The following SLC4A4 variants were observed in gnomAD, a reference collection of about 807,000 sequenced individuals.
The protein encoded by SLC4A4 is electrogenic sodium bicarbonate cotransporter 1.
A neutral mutation model predicts 111.5 loss-of-function variants in SLC4A4; 27 were observed. That is an observed-to-expected ratio of 0.24 (90% CI 0.18 to 0.33). The LOEUF (loss-of-function observed/expected upper bound fraction) is 0.33, where lower values mean the gene tolerates loss of function less well. SLC4A4 is among the 10% of genes least tolerant of loss of function. SLC4A4 has a pLI of 1.00. For missense variants in SLC4A4, 909 were observed against 1,315.5 expected (o/e 0.69, Z 4.78); for synonymous variants, 443 against 463.4 (o/e 0.96, Z 0.57).
At chr4:71,264,673 C>T (rs1722107292) in intron 3 of SLC4A4, among the ~76,000 whole-genome samples, 1 of 152,046 alleles carries the variant, frequency 6.6e-6, no homozygotes, top group African/African-American at 2.4e-5. Context: ...CTATAAAATC[C>T]TAAGTCAATT....
rs1294913420 is a variant in SLC4A4, at chr4:71,420,834, A to G, written c.808-19782A>G. Among the ~76,000 whole-genome samples, 678 of 149,134 alleles carry G rather than the reference A, an allele frequency of 4.5e-3. 5 individuals are homozygous for G. Among genetic ancestry groups the G allele is most frequent in the African/African-American group, 0.016 (648 of 40,750 alleles). On this transcript the variant is annotated intron_variant, in intron 7 of 25. Coordinates refer to ENST00000264485, the MANE Select transcript of SLC4A4 (RefSeq NM_001098484.3). Reference sequence around the variant, plus strand: ...CTGCCCTAAAAGAGCTCCTGAAGGAAGCACTAAACATGGAAAGGAACAACC... The same window carrying G: ...CTGCCCTAAAAGAGCTCCTGAAGGAGGCACTAAACATGGAAAGGAACAACC...
chr4:71,276,189 G>C lies in SLC4A4; in HGVS notation c.253+20790G>C, dbSNP rs1217846880. On this transcript the variant is annotated intron_variant, in intron 3 of 25. Coordinates refer to ENST00000264485, the MANE Select transcript of SLC4A4 (RefSeq NM_001098484.3). ...AAAGATTATAGATTTGTAGGAAGTT[G>C]TGAGAGATAGTACAGAAAGGTCTCA... Among the ~76,000 whole-genome samples the C allele has an allele frequency of 4.6e-5, 7 of 152,292 alleles. No individual in the cohort carries two copies. In the East Asian group the frequency reaches 9.6e-4, roughly 21 times the overall value.
At chr4:71,162,572 G>C (rs1042152404) in intron 2 of SLC4A4, among the ~76,000 whole-genome samples, 10 of 152,086 alleles carry the variant, frequency 6.6e-5, no homozygotes, top group African/African-American at 2.2e-4. Flanking sequence ...CTTTTAAATG[G>C]ATTCATAGTT....
At chr4:71,424,938 T>G (rs1007245177) in intron 7 of SLC4A4, among the ~76,000 whole-genome samples, 4 of 151,992 alleles carry the variant, frequency 2.6e-5, no homozygotes, top group Admixed American at 6.6e-5. Context: ...CATGTATACA[T>G]ATGTAACTAA....
chr4:71,349,583 A>G (rs987364709), intron 4 of SLC4A4, among the ~76,000 whole-genome samples: 2 of 152,178 alleles, frequency 1.3e-5, no homozygotes, highest in Non-Finnish European at 2.9e-5. Flanking sequence ...TTTGAAATGC[A>G]TATTTTTCTA....
chr4:71,217,695 CTG>C, intron 1 of SLC4A4, among the ~76,000 whole-genome samples: 1 of 152,166 alleles, frequency 6.6e-6, no homozygotes, highest in Non-Finnish European at 1.5e-5. Flanking sequence ...GATTCTATGA[CTG>C]TAACAGAAAT....
In SLC4A4 at chr4:71,156,573, TGC is replaced by T. The variant is rs771841334; in HGVS notation, c.-2+63796_-2+63797del. On this transcript the variant is annotated intron_variant, in intron 2 of 26. Coordinates refer to the SLC4A4 transcript ENST00000649996. ...ATGTCCAAATAAGTGTGTGCGCGCA[TGC>T]GCGCGCGCGCGCGCACACACACACA... Among the ~76,000 whole-genome samples, 167 of 85,700 alleles carry T rather than the reference TGC, an allele frequency of 1.9e-3. 3 individuals are homozygous for T. The highest frequency in any genetic ancestry group is 6.3e-3 in the South Asian group (21 of 3,324). 56.2% of individuals were successfully genotyped at this position (85,700 alleles called of 152,430 possible).
chr4:71,158,108 T>A (rs1237332474), intron 2 of SLC4A4, among the ~76,000 whole-genome samples: 1 of 149,136 alleles, frequency 6.7e-6, no homozygotes, highest in East Asian at 2.0e-4. Context: ...TGTGTGTGTG[T>A]GTGTGTGTGT....
chr4:71,118,710 ATTAT>A (rs1297779800), intron 2 of SLC4A4, among the ~76,000 whole-genome samples: 1 of 152,192 alleles, frequency 6.6e-6, no homozygotes, highest in African/African-American at 2.4e-5. Flanking sequence ...TATTAAGGAT[ATTAT>A]TTAATAAATT....
intron 7 of SLC4A4, among the ~76,000 whole-genome samples, chr4:71,420,314 C>G (rs571259690): frequency 6.6e-4 from 101 of 152,250 alleles, no homozygotes; most frequent in Non-Finnish European, 1.3e-3. Context: ...CGAACAAAGC[C>G]TCCAAGAAAT....
chr4:71,534,499 G>A (rs955306448), intron 18 of SLC4A4, 111 bp downstream of exon 18: 10 of 1,008,758 alleles, frequency 9.9e-6, no homozygotes, highest in South Asian at 8.1e-5. Context: ...TATAGCTAAT[G>A]TTCCTTAAGA....
chr4:71,111,885 C>T (rs1281436029), intron 2 of SLC4A4, among the ~76,000 whole-genome samples: 1 of 145,506 alleles, frequency 6.9e-6, no homozygotes, highest in Non-Finnish European at 1.5e-5. Flanking sequence ...TTAGTAGAAA[C>T]AGGGTTTCAC....
chr4:71,416,144 T>C (rs1579049744), intron 7 of SLC4A4, among the ~76,000 whole-genome samples: 1 of 152,220 alleles, frequency 6.6e-6, no homozygotes, highest in Non-Finnish European at 1.5e-5. Context: ...ATGGTGAAGC[T>C]TGGACTCTGG....
intron 2 of SLC4A4, among the ~76,000 whole-genome samples, chr4:71,252,993 C>G (rs570119855): frequency 6.6e-6 from 1 of 152,302 alleles, no homozygotes; most frequent in Admixed American, 6.5e-5. Context: ...CACCATAGCA[C>G]TTCACAGTGC....
At chr4:71,153,276 A>C (rs1263081752) in intron 2 of SLC4A4, among the ~76,000 whole-genome samples, 1 of 151,860 alleles carries the variant, frequency 6.6e-6, no homozygotes, top group Non-Finnish European at 1.5e-5. Flanking sequence ...AATGGTGCCC[A>C]CCCACGTTAA....
intron 1 of SLC4A4, among the ~76,000 whole-genome samples, chr4:71,213,691 A>AT (rs1232479180): frequency 6.6e-6 from 1 of 152,130 alleles, no homozygotes; most frequent in Admixed American, 6.5e-5. Context: ...GTACGATGAT[A>AT]TTTGGAAGTA....
chr4:71,135,147 ATTTAT>A (rs1449099874), intron 2 of SLC4A4, among the ~76,000 whole-genome samples: 1 of 152,122 alleles, frequency 6.6e-6, no homozygotes, highest in African/African-American at 2.4e-5. Context: ...TTATCTATTA[ATTTAT>A]TTTGAGTTGA....
At chr4:71,456,227 C>G (rs565549819) in intron 12 of SLC4A4, among the ~76,000 whole-genome samples, 3 of 152,252 alleles carry the variant, frequency 2.0e-5, no homozygotes, top group African/African-American at 7.2e-5. Flanking sequence ...ATGTTTTTCA[C>G]TCTCTTCCAA....
At chr4:71,480,373 GAA>G (rs35495269) in intron 14 of SLC4A4, among the ~76,000 whole-genome samples, 1 of 133,926 alleles carries the variant, frequency 7.5e-6, no homozygotes, top group Admixed American at 7.5e-5. Flanking sequence ...AGGATAATAA[GAA>G]AAAAAAAAAA....
Sources: gnomAD v4.1 joint callset for allele counts (sites outside exome capture counted in the v4.1 genomes callset) on GRCh38, gnomAD v4.1.1 for gene constraint, MANE v1.5 for transcripts, NCBI Gene and HGNC (gene_info 2026-07-23, HGNC 2026-07-21) for gene names.